MYBPC2: variants seen among roughly 807,000 people sequenced by gnomAD.
The protein encoded by MYBPC2 is myosin binding protein C2.
In MYBPC2, 122 loss-of-function variants were observed where a neutral mutation model predicts 137.0. The observed-to-expected ratio is 0.89, with a 90% confidence interval of 0.77 to 1.03. The LOEUF is 1.03. Among genes scored for constraint, MYBPC2 ranks in the 50% least tolerant of loss-of-function variants. The pLI is 0.00. For missense variants in MYBPC2, 1,500 were observed against 1,534.4 expected (o/e 0.98, Z 0.37); for synonymous variants, 626 against 612.3 (o/e 1.02, Z -0.33).
chr19:50,458,308 TAA>T (rs375818984), intron 20 of MYBPC2, among the ~76,000 whole-genome samples: 78 of 85,830 alleles, frequency 9.1e-4, no homozygotes, highest in Admixed American at 1.5e-3. Flanking sequence ...AGACTCCACC[TAA>T]AAAAAAAAAA....
chr19:50,443,844 A>C, intron 11 of MYBPC2, 28 bp downstream of exon 11: 7 of 1,587,844 alleles, frequency 4.4e-6, no homozygotes, highest in Non-Finnish European at 6.0e-6. Context: ...CCTGATCTCC[A>C]TACAGGTGCA....
intron 11 of MYBPC2, among the ~76,000 whole-genome samples, chr19:50,445,675 G>C (rs1027597991): frequency 6.6e-6 from 1 of 152,092 alleles, no homozygotes; most frequent in Non-Finnish European, 1.5e-5. Flanking sequence ...TTACAGGCAT[G>C]AGCCAGCGTG....
At chr19:50,461,424 T>A in intron 24 of MYBPC2, 118 bp from the exon 25 acceptor site, 1 of 1,100,442 alleles carries the variant, frequency 9.1e-7, no homozygotes, top group Non-Finnish European at 1.3e-6. Flanking sequence ...GCGCCATGAG[T>A]GACATTTTTT....
intron 26 of MYBPC2, among the ~76,000 whole-genome samples, chr19:50,463,303 A>T (rs777501746): frequency 6.6e-6 from 1 of 152,230 alleles, no homozygotes; most frequent in Non-Finnish European, 1.5e-5. Context: ...TTATAGGAAC[A>T]GTTTGCCAGC....
intron 13 of MYBPC2, among the ~76,000 whole-genome samples, chr19:50,450,053 A>T (rs1359993209): frequency 6.6e-6 from 1 of 152,036 alleles, no homozygotes; most frequent in Non-Finnish European, 1.5e-5. Flanking sequence ...GCTACTCGGG[A>T]GGCTGGGGTG....
In MYBPC2 at chr19:50,455,218, T is replaced by C. The variant is rs1568665998; in HGVS notation, c.2125T>C (p.Tyr709His). Reference sequence around the variant, plus strand: ...CACCAAGATGATCGAGGGCATCCTCTATGAGATGCGTGTCTTCGCCGTCAA... The same window carrying C: ...CACCAAGATGATCGAGGGCATCCTCCATGAGATGCGTGTCTTCGCCGTCAA... Reference protein sequence around the residue: ...ESTKMIEGILYEMRVFAVNAI... With the variant: ...ESTKMIEGILHEMRVFAVNAI... The change falls in exon 19 of 28, where the codon TAT becomes CAT. Residue 709 changes from tyrosine (Y) to histidine (H), a missense_variant. By Grantham distance (83) the Tyr-to-His change is moderately conservative. Coordinates refer to ENST00000357701, the MANE Select transcript of MYBPC2 (RefSeq NM_004533.4). The C allele has an allele frequency of 3.7e-6, 6 of 1,613,820 alleles. No individual in the cohort carries two copies. The highest frequency in any genetic ancestry group is 5.1e-6 in the Non-Finnish European group (6 of 1,179,862).
At chr19:50,457,366 C>A (rs1052692442) in intron 20 of MYBPC2, among the ~76,000 whole-genome samples, 1 of 152,130 alleles carries the variant, frequency 6.6e-6, no homozygotes, top group African/African-American at 2.4e-5. Flanking sequence ...GGCCATAAAC[C>A]CAAGACAGAA....
Position 50,435,958 on chromosome 19 carries a change from TTA to T in MYBPC2, c.197-52_197-51del. 6 of 1,554,206 alleles carry T rather than the reference TTA, an allele frequency of 3.9e-6. No homozygotes were observed. Among genetic ancestry groups the T allele is most frequent in the Non-Finnish European group, 5.2e-6 (6 of 1,148,116 alleles). On this transcript the variant is annotated intron_variant, in intron 3 of 27. Coordinates refer to ENST00000357701, the MANE Select transcript of MYBPC2 (RefSeq NM_004533.4). The surrounding 1 kb of genome is among the most constrained non-coding windows in gnomAD (Gnocchi z 4.8). Reference sequence around the variant, plus strand: ...TCGTTCTGTCTCCCTCTGGAGAGCCTTATGTTCCTTCCTGGGCCTCCTCCCAC... The same window carrying T: ...TCGTTCTGTCTCCCTCTGGAGAGCCTTGTTCCTTCCTGGGCCTCCTCCCAC...
chr19:50,458,462 C>T (rs1448801159), intron 20 of MYBPC2, 125 bp from the exon 21 acceptor site: 6 of 1,134,798 alleles, frequency 5.3e-6, no homozygotes, highest in Non-Finnish European at 7.3e-6. Flanking sequence ...GCTGCTGCTG[C>T]TGCTTCTACT....
Position 50,458,493 on chromosome 19 carries a change from C to G in MYBPC2, c.2339-94C>G, listed in dbSNP as rs188114982. The stretch of plus-strand genomic sequence containing the variant: ...CTACTGGGAACTTACTCAGTGCTCA[C>G]TCGCTCGCTGCGTGGGGCCCAAGTC... On this transcript the variant is annotated intron_variant, in intron 20 of 27. Transcript: ENST00000357701. 1.5e-3 allele frequency: 2,184 copies of G among 1,471,798 alleles called. 24 individuals carry two copies. The African/African-American group carries it at 0.019, about 13-fold the overall frequency. 91.2% of individuals were successfully genotyped at this position (1,471,798 alleles called of 1,614,324 possible). A position where few individuals can be genotyped will look rare whatever the true frequency, so the allele number is the denominator to read the frequency against.
intron 20 of MYBPC2, among the ~76,000 whole-genome samples, chr19:50,456,699 G>C (rs958816821): frequency 6.6e-6 from 1 of 152,002 alleles, no homozygotes; most frequent in Non-Finnish European, 1.5e-5. Context: ...GCCTCCCAAA[G>C]TGCTGGGATT....
intron 7 of MYBPC2, among the ~76,000 whole-genome samples, chr19:50,440,529 G>A (rs1032129400): frequency 6.6e-6 from 1 of 151,802 alleles, no homozygotes; most frequent in Non-Finnish European, 1.5e-5. Context: ...CAGGGGTGGT[G>A]GCGTGAGCCT....
rs781686555 is a variant in MYBPC2, at chr19:50,436,724, C to T, written c.453C>T (p.Ile151=). ...CCTGTGACAGCTGTGGCTTCAACAT[C>T]GATGTGGAGGGTATGCTGGTGGGGG... ...KDTCDSCGFN[I]DVEAPRQDAS... The change falls in exon 5 of 28, where the codon ATC becomes ATT. Residue 151 remains isoleucine (I), a synonymous_variant. Transcript: ENST00000357701. 4.3e-6 allele frequency: 7 copies of T among 1,613,570 alleles called. No individual in the cohort carries two copies. Among genetic ancestry groups the T allele is most frequent in the Admixed American group, 1.7e-5 (1 of 59,982 alleles).
intron 1 of MYBPC2, among the ~76,000 whole-genome samples, chr19:50,434,958 AC>A (rs1338367491): frequency 7.2e-6 from 1 of 138,578 alleles, no homozygotes; most frequent in Non-Finnish European, 1.6e-5. Flanking sequence ...ATAAATTTAT[AC>A]CTAGGGTGGG....
At chr19:50,459,926 A>C in intron 23 of MYBPC2, 114 bp from the exon 24 acceptor site, 2 of 1,409,778 alleles carry the variant, frequency 1.4e-6, no homozygotes, top group Non-Finnish European at 1.9e-6. Context: ...AGGAATGGGA[A>C]TGGGGCATAA....
Position 50,460,603 on chromosome 19 carries a change from T to C in MYBPC2, c.2931+424T>C, listed in dbSNP as rs143581833. On this transcript the variant is annotated intron_variant, in intron 24 of 27. Transcript: ENST00000357701. ...TTTCATACACATGGAATCCTAGCTA[T>C]GTGACCCTTGTGTCTGACTTTGTTA... is the stretch of plus-strand genomic sequence containing the variant. Among the ~76,000 whole-genome samples, 91 of 152,348 alleles carry C rather than the reference T, an allele frequency of 6.0e-4. No individual in the cohort carries two copies. The Middle Eastern group carries it at 0.017, about 28-fold the overall frequency.
At chr19:50,451,798 C>T (rs1036385394) in intron 15 of MYBPC2, 66 bp from the exon 16 acceptor site, 2 of 1,549,376 alleles carry the variant, frequency 1.3e-6, no homozygotes, top group South Asian at 1.2e-5. Context: ...TGGAGATTCT[C>T]TTGTGGGAAC....
In MYBPC2 at chr19:50,437,530, C is replaced by A. The variant is rs772864420; in HGVS notation, c.512+9C>A. The A allele has an allele frequency of 2.5e-6, 4 of 1,609,300 alleles. No homozygotes were observed. Among genetic ancestry groups the A allele is most frequent in the Non-Finnish European group, 2.5e-6 (3 of 1,177,848 alleles). ...GAAAGCTTCAAGCGTACGTAAGTGA[C>A]CCCAGGCCCTTACCAGGGTCCCAAG... On this transcript the variant is annotated intron_variant, in intron 6 of 27. Transcript: ENST00000357701.
intron 15 of MYBPC2, 58 bp downstream of exon 15, chr19:50,451,367 G>A: frequency 6.3e-7 from 1 of 1,593,738 alleles, no homozygotes; most frequent in Admixed American, 1.7e-5. Context: ...CGGGCTGAGG[G>A]AGGAGGGGAA....
Sources: gnomAD v4.1 joint callset for allele counts (sites outside exome capture counted in the v4.1 genomes callset) on GRCh38, gnomAD v4.1.1 for gene constraint, Gnocchi (gnomAD v3.1) non-coding constraint, MANE v1.5 for transcripts, NCBI Gene and HGNC (gene_info 2026-07-23, HGNC 2026-07-21) for gene names.